The following ARHGAP20 variants were observed in gnomAD, a reference collection of about 807,000 sequenced individuals.
ARHGAP20 encodes the protein rho GTPase-activating protein 20.
Under a neutral mutation model 73.7 loss-of-function variants are expected in ARHGAP20, and 34 were observed. The observed-to-expected ratio is 0.46, with a 90% CI of 0.35 to 0.61. The LOEUF is 0.61. ARHGAP20 is among the 20% of genes least tolerant of loss of function. The probability of loss-of-function intolerance (pLI) is 0.00; values close to 1 mark genes in which losing one functional copy is unlikely to be tolerated. For synonymous variants in ARHGAP20, 523 were observed against 518.2 expected (o/e 1.01, Z -0.13); for missense variants, 1,314 against 1,420.9 (o/e 0.92, Z 1.21).
chr11:110,594,876 T>C (rs1434469353), intron 9 of ARHGAP20, among the ~76,000 whole-genome samples: 3 of 151,996 alleles, frequency 2.0e-5, no homozygotes, highest in East Asian at 1.9e-4. Context: ...TTGATAAACA[T>C]TGATGCAAAA....
chr11:110,623,624 CTA>C (rs1948675086), intron 4 of ARHGAP20, among the ~76,000 whole-genome samples: 1 of 152,110 alleles, frequency 6.6e-6, no homozygotes, highest in African/African-American at 2.4e-5. Flanking sequence ...TAATAAAACA[CTA>C]TTTATTTAAA....
At chr11:110,620,471 T>C (rs2134921307) in intron 4 of ARHGAP20, among the ~76,000 whole-genome samples, 1 of 152,278 alleles carries the variant, frequency 6.6e-6, no homozygotes, top group Non-Finnish European at 1.5e-5. Flanking sequence ...AAAATAGTTA[T>C]TATAGTAACT....
At chr11:110,695,842 T>C (rs1324122724) in intron 1 of ARHGAP20, among the ~76,000 whole-genome samples, 1 of 151,504 alleles carries the variant, frequency 6.6e-6, no homozygotes, top group Non-Finnish European at 1.5e-5. Context: ...AATAAAAACA[T>C]ATGTCCTCAA....
At position 110,580,087 on chromosome 11, in the gene ARHGAP20, T is replaced by G. The variant is rs774154923; in HGVS notation, c.2859A>C (p.Gln953His). Reference sequence around the variant, plus strand: ...CAGAAATCTGAGAAAAAGCACTGTCTTGGGAGCTTACTGATGAGCCGGATG... The same window carrying G: ...CAGAAATCTGAGAAAAAGCACTGTCGTGGGAGCTTACTGATGAGCCGGATG... ...TSPSGSSVSS[Q>H]DSAFSQISEH... Residue 953 changes from glutamine (Q) to histidine (H), a missense_variant, in exon 15 of 15, where the codon CAA becomes CAC. Gln to His is a conservative substitution (Grantham distance 24). Around this residue, in one of 3 missense-constraint regions of ARHGAP20, gnomAD observed 641 missense variants for 636.9 expected, o/e 1.01. Coordinates refer to ENST00000683387, the MANE Select transcript of ARHGAP20 (RefSeq NM_001384657.1). The G allele has an allele frequency of 5.6e-6, 9 of 1,614,152 alleles. No homozygotes were observed. The highest frequency in any genetic ancestry group is 7.6e-6 in the Non-Finnish European group (9 of 1,180,006).
rs373518253 is a variant in ARHGAP20, at chr11:110,657,752, C to T, written c.189-26960G>A. ...TCTACGAAAAATACAAAAATTAGCC[C>T]GGTGTGGTGGCACATGCTTGTACTC... On this transcript the variant is annotated intron_variant, in intron 2 of 14. Coordinates refer to ENST00000683387, the MANE Select transcript of ARHGAP20 (RefSeq NM_001384657.1). Among the ~76,000 whole-genome samples the T allele has an allele frequency of 6.4e-4, 97 of 151,606 alleles. No individual in the cohort carries two copies. In the East Asian group the frequency reaches 0.013, roughly 20 times the overall value.
chr11:110,699,514 A>G lies in ARHGAP20; in HGVS notation c.106-8885T>C, dbSNP rs1462438700. 2.0e-5 allele frequency among the ~76,000 whole-genome samples: 3 copies of G among 151,890 alleles called. No individual in the cohort carries two copies. The East Asian group carries it at 5.8e-4, about 29-fold the overall frequency. On this transcript the variant is annotated intron_variant, in intron 1 of 14. Transcript: ENST00000683387. ...TATCAGTGGGGTGTCGAAGTCCCCC[A>G]CTATTACTGTATTACTATCAATGTT... is the stretch of plus-strand genomic sequence containing the variant.
At chr11:110,650,780 T>G (rs965045115) in intron 2 of ARHGAP20, among the ~76,000 whole-genome samples, 1 of 152,146 alleles carries the variant, frequency 6.6e-6, no homozygotes. Context: ...GAAATAACTT[T>G]AGCCAACTGT....
intron 9 of ARHGAP20, among the ~76,000 whole-genome samples, chr11:110,603,873 A>G (rs1948163404): frequency 6.6e-6 from 1 of 152,194 alleles, no homozygotes; most frequent in Admixed American, 6.5e-5. Flanking sequence ...GTTTTCAAAG[A>G]TGAAATTAAA....
rs150990380 is a variant in ARHGAP20, at chr11:110,674,948, C to T, written c.188+15599G>A. On this transcript the variant is annotated intron_variant, in intron 2 of 14. Coordinates refer to ENST00000683387, the MANE Select transcript of ARHGAP20 (RefSeq NM_001384657.1). ...ATCTTATTTTATTATACTTTAAGTT[C>T]TGGGGTACATGTACAGAACGTGCAG... 7.1e-3 allele frequency among the ~76,000 whole-genome samples: 1,084 copies of T among 152,208 alleles called. 8 individuals are homozygous for T. Among genetic ancestry groups the T allele is most frequent in the Non-Finnish European group, 0.012 (835 of 67,996 alleles).
intron 1 of ARHGAP20, among the ~76,000 whole-genome samples, chr11:110,704,988 A>T (rs1232645388): frequency 6.6e-6 from 1 of 152,212 alleles, no homozygotes; most frequent in Non-Finnish European, 1.5e-5. Flanking sequence ...ATGTACACAC[A>T]TATAACTTTG....
intron 2 of ARHGAP20, among the ~76,000 whole-genome samples, chr11:110,648,221 G>GTAAATATATATATATATGTAAATATA (rs1949257915): frequency 1.3e-5 from 1 of 76,668 alleles, no homozygotes; most frequent in Non-Finnish European, 2.8e-5. Context: ...ATATATATAT[G>GTAAATATATATATATATGTAAATATA]TATATATATA....
chr11:110,698,307 T>A (rs1009134086), intron 1 of ARHGAP20, among the ~76,000 whole-genome samples: 2 of 151,724 alleles, frequency 1.3e-5, no homozygotes, highest in Non-Finnish European at 3.0e-5. Context: ...TCATGTGCTA[T>A]TGGATTCGGT....
chr11:110,587,415 T>C (rs919677736), intron 11 of ARHGAP20, among the ~76,000 whole-genome samples: 1 of 152,218 alleles, frequency 6.6e-6, no homozygotes, highest in African/African-American at 2.4e-5. Context: ...CTAAACCAAA[T>C]AAATAATTTT....
intron 1 of ARHGAP20, among the ~76,000 whole-genome samples, chr11:110,703,629 A>C (rs1565486771): frequency 6.6e-6 from 1 of 152,148 alleles, no homozygotes; most frequent in African/African-American, 2.4e-5. Flanking sequence ...TATATAAATA[A>C]ATATAAGGAT....
intron 7 of ARHGAP20, among the ~76,000 whole-genome samples, chr11:110,610,106 A>G (rs1342398687): frequency 1.3e-5 from 2 of 152,114 alleles, no homozygotes; most frequent in East Asian, 1.9e-4. Context: ...TCCTCTACAT[A>G]CCTCTAAAAC....
intron 2 of ARHGAP20, among the ~76,000 whole-genome samples, chr11:110,647,471 G>C (rs1315987355): frequency 6.6e-6 from 1 of 152,068 alleles, no homozygotes; most frequent in Non-Finnish European, 1.5e-5. Flanking sequence ...CTAGAAAGAG[G>C]ATTTGATCAT....
At chr11:110,694,021 C>T (rs45478897) in intron 1 of ARHGAP20, among the ~76,000 whole-genome samples, 358 of 151,810 alleles carry the variant, frequency 2.4e-3, no homozygotes, top group Non-Finnish European at 3.6e-3. Flanking sequence ...TTTAAAGAAA[C>T]GATAAACTAT....
At chr11:110,693,218 C>T (rs1950276353) in intron 1 of ARHGAP20, among the ~76,000 whole-genome samples, 1 of 151,878 alleles carries the variant, frequency 6.6e-6, no homozygotes, top group Non-Finnish European at 1.5e-5. Flanking sequence ...CTTCATCCAG[C>T]TTGATTTATA....
intron 1 of ARHGAP20, among the ~76,000 whole-genome samples, chr11:110,703,325 T>C (rs1030935480): frequency 3.3e-5 from 5 of 152,056 alleles, no homozygotes; most frequent in African/African-American, 9.7e-5. Context: ...ACAATAAACA[T>C]AATAATCTAT....
Sources: gnomAD v4.1 joint callset for allele counts (sites outside exome capture counted in the v4.1 genomes callset) on GRCh38, gnomAD v4.1.1 for gene constraint, gnomAD v4.1.1 regional missense constraint, MANE v1.5 for transcripts, NCBI Gene and HGNC (gene_info 2026-07-23, HGNC 2026-07-21) for gene names.